PCSK2: variants seen among roughly 807,000 people sequenced by gnomAD.
PCSK2 encodes the protein proprotein convertase subtilisin/kexin type 2, also known as neuroendocrine convertase 2.
PCSK2 carries 14 observed loss-of-function variants against 69.7 expected under a neutral mutation model. The ratio of observed to expected loss-of-function variants is 0.20; its 90% CI spans 0.13 to 0.31. PCSK2 has a LOEUF of 0.31. Ranked by LOEUF, PCSK2 falls within the 10% of genes least tolerant of loss-of-function variation. The probability of loss-of-function intolerance (pLI) is 1.00; values close to 1 mark genes in which losing one functional copy is unlikely to be tolerated. For synonymous variants in PCSK2, 307 were observed against 320.7 expected (o/e 0.96, Z 0.46); for missense variants, 544 against 842.5 (o/e 0.65, Z 4.39).
intron 2 of PCSK2, among the ~76,000 whole-genome samples, chr20:17,352,449 T>C (rs1184911220): frequency 1.3e-5 from 2 of 152,236 alleles, no homozygotes; most frequent in African/African-American, 4.8e-5. Flanking sequence ...TGTCATATTA[T>C]ATTGTAAGCC....
intron 2 of PCSK2, among the ~76,000 whole-genome samples, chr20:17,274,368 T>C (rs1987978081): frequency 6.6e-6 from 1 of 152,170 alleles, no homozygotes; most frequent in African/African-American, 2.4e-5. Context: ...TCCTCCTCTA[T>C]CCATAGGTAG....
intron 6 of PCSK2, among the ~76,000 whole-genome samples, chr20:17,421,926 C>G (rs930747807): frequency 2.7e-5 from 4 of 147,708 alleles, no homozygotes; most frequent in African/African-American, 1.0e-4. Context: ...AACTAAAAAT[C>G]AGGATATTAA....
intron 6 of PCSK2, among the ~76,000 whole-genome samples, chr20:17,422,653 TAAAG>T (rs913041354): frequency 2.6e-5 from 4 of 151,346 alleles, no homozygotes; most frequent in Admixed American, 1.3e-4. Flanking sequence ...AGAATGAAGA[TAAAG>T]AAGAAGAAGA....
chr20:17,302,368 CA>C (rs1261241733), intron 2 of PCSK2, among the ~76,000 whole-genome samples: 1 of 152,078 alleles, frequency 6.6e-6, no homozygotes, highest in African/African-American at 2.4e-5. Flanking sequence ...CATTTGAAAA[CA>C]ATCTGAAAAA....
chr20:17,287,431 C>G (rs202118750), intron 2 of PCSK2, among the ~76,000 whole-genome samples: 29 of 146,030 alleles, frequency 2.0e-4, no homozygotes, highest in Middle Eastern at 3.4e-3. Flanking sequence ...ATGTGCGTGT[C>G]TGTGTGTGTG....
intron 1 of PCSK2, among the ~76,000 whole-genome samples, chr20:17,244,035 C>A (rs1362486119): frequency 6.6e-6 from 1 of 152,048 alleles, no homozygotes; most frequent in East Asian, 1.9e-4. Flanking sequence ...AAAATGATAT[C>A]ACATTAGAGT....
intron 5 of PCSK2, among the ~76,000 whole-genome samples, chr20:17,390,951 T>C (rs545086217): frequency 6.6e-6 from 1 of 152,288 alleles, no homozygotes; most frequent in East Asian, 1.9e-4. Context: ...TAACAACATA[T>C]TCTCTCCAAC....
chr20:17,405,298 G>A (rs1249324742), intron 5 of PCSK2, among the ~76,000 whole-genome samples: 2 of 152,168 alleles, frequency 1.3e-5, no homozygotes, highest in African/African-American at 4.8e-5. Flanking sequence ...AGACGTATTT[G>A]TCTAGGGCAG....
chr20:17,410,961 T>C (rs1600557939), intron 6 of PCSK2, among the ~76,000 whole-genome samples: 2 of 152,196 alleles, frequency 1.3e-5, no homozygotes, highest in East Asian at 3.8e-4. Context: ...GGTACTAAAT[T>C]AGTCTTTGAT....
chr20:17,397,314 A>G (rs915680687), intron 5 of PCSK2, among the ~76,000 whole-genome samples: 9 of 152,192 alleles, frequency 5.9e-5, no homozygotes, highest in Non-Finnish European at 1.2e-4. Flanking sequence ...TTTTAAAATT[A>G]AAAATTTGAA....
chr20:17,452,620 C>T (rs2032848152), intron 8 of PCSK2, among the ~76,000 whole-genome samples: 1 of 152,208 alleles, frequency 6.6e-6, no homozygotes. Flanking sequence ...TCTGTCTTCT[C>T]CCTCTAGAGG....
chr20:17,412,241 G>A (rs558789473), intron 6 of PCSK2, among the ~76,000 whole-genome samples: 11 of 152,264 alleles, frequency 7.2e-5, no homozygotes, highest in Admixed American at 3.3e-4. Flanking sequence ...CCAAGCTAAA[G>A]GAGCATATTC....
chr20:17,273,014 T>C (rs1482262333), intron 2 of PCSK2, among the ~76,000 whole-genome samples: 1 of 152,132 alleles, frequency 6.6e-6, no homozygotes, highest in Non-Finnish European at 1.5e-5. Context: ...TCCACACACC[T>C]GCTACTGATG....
At chr20:17,359,347 C>T (rs2030313969) in intron 3 of PCSK2, among the ~76,000 whole-genome samples, 1 of 152,140 alleles carries the variant, frequency 6.6e-6, no homozygotes, top group Admixed American at 6.5e-5. Flanking sequence ...TTAGGATAGG[C>T]TAGGTTTGTT....
rs377525015 is a variant in PCSK2, at chr20:17,269,160, T to C, written c.282+8816T>C. 2.6e-5 allele frequency among the ~76,000 whole-genome samples: 4 copies of C among 152,162 alleles called. No homozygotes were observed. In the East Asian group the frequency reaches 7.7e-4, roughly 29 times the overall value. The stretch of plus-strand genomic sequence containing the variant: ...GTGGAGATGATGTGAAATGAACAGA[T>C]GGACTTAAGGATCTAGGAGAGAGGT... On this transcript the variant is annotated intron_variant, in intron 2 of 11. Coordinates refer to ENST00000262545, the MANE Select transcript of PCSK2 (RefSeq NM_002594.5).
chr20:17,415,766 T>G (rs1354147625), intron 6 of PCSK2, among the ~76,000 whole-genome samples: 1 of 152,294 alleles, frequency 6.6e-6, no homozygotes, highest in East Asian at 1.9e-4. Flanking sequence ...GGCATCACGC[T>G]ACCTGACTTC....
rs200015879 is a variant in PCSK2 at position 17,360,346 on chromosome 20, A to AT, written c.397-186_397-185insT. Reference sequence around the variant, plus strand: ...ACAAAGTGTTTATACCAAAAAAAAAAAAATGGAGAGGAAACACTATAGGTA... The same window carrying AT: ...ACAAAGTGTTTATACCAAAAAAAAAATAAATGGAGAGGAAACACTATAGGTA... On this transcript the variant is annotated intron_variant, in intron 3 of 11. Coordinates refer to ENST00000262545, the MANE Select transcript of PCSK2 (RefSeq NM_002594.5). Among the ~76,000 whole-genome samples the AT allele has an allele frequency of 3.4e-3, 513 of 152,150 alleles. 10 individuals are homozygous for AT. The East Asian group carries it at 0.037, about 11-fold the overall frequency.
intron 2 of PCSK2, among the ~76,000 whole-genome samples, chr20:17,357,612 C>T (rs1388467540): frequency 6.6e-6 from 1 of 152,144 alleles, no homozygotes; most frequent in African/African-American, 2.4e-5. Flanking sequence ...ATACTTTACT[C>T]AGCCAGGTGC....
intron 7 of PCSK2, among the ~76,000 whole-genome samples, chr20:17,434,678 G>A (rs1034648417): frequency 6.6e-6 from 1 of 152,190 alleles, no homozygotes; most frequent in Non-Finnish European, 1.5e-5. Context: ...ATCCAGGGCT[G>A]GCATTCGTTG....
Sources: allele counts gnomAD v4.1 joint callset (sites outside exome capture counted in the v4.1 genomes callset), GRCh38; gene constraint gnomAD v4.1.1; transcripts MANE v1.5; gene names NCBI Gene and HGNC (gene_info 2026-07-23, HGNC 2026-07-21).